The following MALRD1 variants were observed in gnomAD, a reference collection of about 807,000 sequenced individuals.
MALRD1 encodes MAM and LDL-receptor class A domain-containing protein 1.
MALRD1 carries 247 observed loss-of-function variants against 242.1 expected under a neutral mutation model. That is an observed-to-expected ratio of 1.02 (90% CI 0.92 to 1.13). The LOEUF (loss-of-function observed/expected upper bound fraction) is 1.13. MALRD1 is among the 50% of genes most tolerant of loss of function. The pLI is 0.00. For missense variants in MALRD1, 2,989 were observed against 2,533.1 expected (o/e 1.18, Z -3.86); for synonymous variants, 995 against 866.6 (o/e 1.15, Z -2.60).
chr10:19,171,299 G>A (rs1360033876), intron 13 of MALRD1, among the ~76,000 whole-genome samples: 1 of 150,990 alleles, frequency 6.6e-6, no homozygotes, highest in Admixed American at 6.6e-5. Context: ...ATCAAATGAG[G>A]TTTTCACTCT....
chr10:19,072,250 C>T (rs889780692), intron 2 of MALRD1, among the ~76,000 whole-genome samples: 2 of 152,032 alleles, frequency 1.3e-5, no homozygotes, highest in African/African-American at 4.8e-5. Context: ...ATTGAAAGGG[C>T]TGATAGCAAA....
In MALRD1 at chr10:19,205,114, C is replaced by A; in HGVS notation, c.2427C>A (p.Ile809=). 5 of 1,550,640 alleles carry A rather than the reference C, an allele frequency of 3.2e-6. No homozygotes were observed. The highest frequency in any genetic ancestry group is 2.4e-5 in the East Asian group (1 of 40,910). The part of the protein sequence containing the change: ...IYDGVSAIDD[I]RFENCTLPLP... ...ATGGGGTCTCAGCTATTGATGACAT[C>A]CGATTTGAAAATTGTACTCTCCCTC... Residue 809 remains isoleucine (I), a synonymous_variant, in exon 17 of 40, where the codon ATC becomes ATA. Coordinates refer to ENST00000454679, the MANE Select transcript of MALRD1 (RefSeq NM_001142308.3).
chr10:19,630,116 G>T (rs1394130087), intron 36 of MALRD1, among the ~76,000 whole-genome samples: 1 of 152,082 alleles, frequency 6.6e-6, no homozygotes, highest in African/African-American at 2.4e-5. Context: ...TGCCATGTAG[G>T]AAATCCCTTT....
chr10:19,224,360 C>T (rs1837694141), intron 18 of MALRD1, among the ~76,000 whole-genome samples: 1 of 150,772 alleles, frequency 6.6e-6, no homozygotes, highest in Non-Finnish European at 1.5e-5. Context: ...AATTTCGGCT[C>T]ACTGCAACCT....
intron 32 of MALRD1, among the ~76,000 whole-genome samples, chr10:19,558,259 A>G (rs1170297371): frequency 1.3e-5 from 2 of 152,072 alleles, no homozygotes; most frequent in African/African-American, 2.4e-5. Context: ...TATGCTACCA[A>G]GGACTTCCAG....
chr10:19,516,073 T>A (rs1404483359), intron 31 of MALRD1, among the ~76,000 whole-genome samples: 1 of 152,202 alleles, frequency 6.6e-6, no homozygotes, highest in Non-Finnish European at 1.5e-5. Context: ...AGAGATAACA[T>A]AAGCTTGTTT....
At chr10:19,185,930 T>C (rs1835720705) in intron 14 of MALRD1, among the ~76,000 whole-genome samples, 1 of 152,044 alleles carries the variant, frequency 6.6e-6, no homozygotes, top group Non-Finnish European at 1.5e-5. Flanking sequence ...TGGAGATACT[T>C]CATCTTAATT....
chr10:19,563,279 G>A (rs1042318038), intron 32 of MALRD1, among the ~76,000 whole-genome samples: 1 of 152,170 alleles, frequency 6.6e-6, no homozygotes, highest in African/African-American at 2.4e-5. Context: ...TGTCCATCCT[G>A]TATCAACTTA....
chr10:19,211,400 T>A (rs1325072242), intron 18 of MALRD1, among the ~76,000 whole-genome samples: 3 of 151,584 alleles, frequency 2.0e-5, no homozygotes, highest in African/African-American at 7.3e-5. Context: ...GTCATTCTAG[T>A]GAGTAAAAAA....
chr10:19,322,611 A>G (rs1165475221), intron 21 of MALRD1, among the ~76,000 whole-genome samples: 1 of 152,168 alleles, frequency 6.6e-6, no homozygotes, highest in African/African-American at 2.4e-5. Flanking sequence ...CATCTAGTAA[A>G]TGAGGAGGCC....
At chr10:19,313,570 A>T (rs2131997687) in intron 21 of MALRD1, among the ~76,000 whole-genome samples, 1 of 151,640 alleles carries the variant, frequency 6.6e-6, no homozygotes, top group East Asian at 1.9e-4. Flanking sequence ...CCCCAATTTG[A>T]TCTTTACAAA....
chr10:19,102,666 A>G (rs1043393715), intron 4 of MALRD1, among the ~76,000 whole-genome samples: 5 of 106,300 alleles, frequency 4.7e-5, no homozygotes, highest in East Asian at 2.8e-4. Flanking sequence ...AGCCTCTAAC[A>G]TCAGTGATAC....
In MALRD1 at chr10:19,621,207, T is replaced by TA. The variant is rs1383032292; in HGVS notation, c.6137+5290dup. Among the ~76,000 whole-genome samples, 12 of 151,518 alleles carry TA rather than the reference T, an allele frequency of 7.9e-5. No homozygotes were observed. In the East Asian group the frequency reaches 2.3e-3, roughly 29 times the overall value. ...CAAAAAACAACAAAGAAACATGGTGTAAAAAATAAAATACATCAAGACCTT... is the reference window on the plus strand; with the variant it reads ...CAAAAAACAACAAAGAAACATGGTGTAAAAAAATAAAATACATCAAGACCTT... On this transcript the variant is annotated intron_variant, in intron 36 of 39. Transcript: ENST00000454679.
intron 32 of MALRD1, among the ~76,000 whole-genome samples, chr10:19,536,060 A>T (rs1267632424): frequency 1.3e-5 from 2 of 152,134 alleles, no homozygotes. Flanking sequence ...ATTTTCTGAA[A>T]TCTCACTAAA....
At chr10:19,139,686 G>A (rs1045326550) in intron 10 of MALRD1, among the ~76,000 whole-genome samples, 6 of 152,132 alleles carry the variant, frequency 3.9e-5, no homozygotes, top group African/African-American at 1.4e-4. Flanking sequence ...CTCCAGACCG[G>A]TGGCTCTTCA....
intron 38 of MALRD1, among the ~76,000 whole-genome samples, chr10:19,703,958 T>C (rs1833738751): frequency 6.6e-6 from 1 of 152,114 alleles, no homozygotes; most frequent in Admixed American, 6.5e-5. Flanking sequence ...CAGTAAGCCG[T>C]TTATTCTTAC....
intron 39 of MALRD1, 85 bp downstream of exon 39, chr10:19,730,866 G>T (rs530178224): frequency 2.4e-5 from 29 of 1,221,594 alleles, no homozygotes; most frequent in Admixed American, 1.8e-4. Flanking sequence ...AACCAGTGTT[G>T]CTTGATCATG....
intron 14 of MALRD1, among the ~76,000 whole-genome samples, chr10:19,196,318 T>C (rs186673361): frequency 6.6e-6 from 1 of 152,338 alleles, no homozygotes; most frequent in East Asian, 1.9e-4. Flanking sequence ...GAATTCACTG[T>C]ATTCACTTTC....
chr10:19,543,066 G>C (rs757567033), intron 32 of MALRD1, among the ~76,000 whole-genome samples: 1 of 151,938 alleles, frequency 6.6e-6, no homozygotes, highest in Non-Finnish European at 1.5e-5. Flanking sequence ...ACTTTTATCT[G>C]AGCCCTGCAA....
Sources: allele counts gnomAD v4.1 joint callset (sites outside exome capture counted in the v4.1 genomes callset), GRCh38; gene constraint gnomAD v4.1.1; transcripts MANE v1.5; gene names NCBI Gene and HGNC (gene_info 2026-07-23, HGNC 2026-07-21).